Variants in PGS1 observed in about 807,000 individuals in gnomAD.
The protein encoded by PGS1 is phosphatidylglycerophosphate synthase 1, also known as CDP-diacylglycerol--glycerol-3-phosphate 3-phosphatidyltransferase, mitochondrial.
A neutral mutation model predicts 58.3 loss-of-function variants in PGS1; 44 were observed. That is an observed-to-expected ratio of 0.75 (90% CI 0.59 to 0.97). The LOEUF is 0.97. Among genes scored for constraint, PGS1 ranks in the 50% least tolerant of loss-of-function variants. PGS1 has a pLI of 0.00. For missense variants in PGS1, 684 were observed against 731.1 expected (o/e 0.94, Z 0.74); for synonymous variants, 330 against 311.0 (o/e 1.06, Z -0.64).
At chr17:78,416,255 C>T (rs2085178654) in intron 8 of PGS1, among the ~76,000 whole-genome samples, 1 of 152,246 alleles carries the variant, frequency 6.6e-6, no homozygotes, top group Non-Finnish European at 1.5e-5. Context: ...GAAGCCCCCA[C>T]AAGCTGAGAG....
intron 7 of PGS1, among the ~76,000 whole-genome samples, chr17:78,406,730 T>C (rs1429150539): frequency 1.3e-5 from 2 of 152,182 alleles, no homozygotes; most frequent in Admixed American, 1.3e-4. Flanking sequence ...ATTGAAAGAG[T>C]TGGCCAGTGG....
At chr17:78,402,073 T>G (rs2083718703) in intron 6 of PGS1, among the ~76,000 whole-genome samples, 1 of 151,900 alleles carries the variant, frequency 6.6e-6, no homozygotes, top group Non-Finnish European at 1.5e-5. Context: ...TGCTCCTCCC[T>G]CCGGCAGCCC....
intron 1 of PGS1, among the ~76,000 whole-genome samples, chr17:78,379,783 T>C (rs1032633477): frequency 1.3e-5 from 2 of 151,502 alleles, no homozygotes; most frequent in African/African-American, 4.9e-5. Context: ...GAGCCAAGAT[T>C]GCCTCATTGC....
intron 3 of PGS1, 161 bp from the exon 4 acceptor site, chr17:78,398,091 C>G (rs1357227810): frequency 1.4e-6 from 1 of 716,020 alleles, no homozygotes; most frequent in African/African-American, 1.7e-5. Context: ...AAGGTGCTCT[C>G]AGACAGATAG....
intron 9 of PGS1, chr17:78,420,737 G>A (rs967058000): frequency 6.6e-6 from 1 of 152,172 alleles, no homozygotes; most frequent in Non-Finnish European, 1.5e-5. Flanking sequence ...CATTTTATTT[G>A]AATAGTGTGT....
intron 7 of PGS1, among the ~76,000 whole-genome samples, chr17:78,404,446 AATTTTTGT>A (rs1422638972): frequency 7.3e-5 from 11 of 151,640 alleles, no homozygotes; most frequent in African/African-American, 2.7e-4. Flanking sequence ...ATGTCTGGCT[AATTTTTGT>A]ATTTTTGTAG....
chr17:78,385,232 C>T (rs868193239), intron 1 of PGS1, among the ~76,000 whole-genome samples: 1 of 152,128 alleles, frequency 6.6e-6, no homozygotes, highest in African/African-American at 2.4e-5. Context: ...CATTTTCGTG[C>T]CTCAACCTCC....
At chr17:78,420,175 C>T (rs2085580819) in intron 9 of PGS1, 5 of 999,472 alleles carry the variant, frequency 5.0e-6, no homozygotes, top group Non-Finnish European at 6.0e-6. Context: ...TGGGCTGCTG[C>T]CTGGACGCCT....
At chr17:78,410,103 A>AAAAAC (rs10522107) in intron 7 of PGS1, among the ~76,000 whole-genome samples, 110 of 150,922 alleles carry the variant, frequency 7.3e-4, no homozygotes, top group Middle Eastern at 3.4e-3. Flanking sequence ...ACTCCGTCTC[A>AAAAAC]AAAACAAAAC....
chr17:78,417,505 G>T (rs1199475119), intron 8 of PGS1, among the ~76,000 whole-genome samples: 1 of 152,074 alleles, frequency 6.6e-6, no homozygotes, highest in East Asian at 1.9e-4. Flanking sequence ...GCTTTCCCCA[G>T]CTCTTGATGG....
rs777120103 is a variant in PGS1, at chr17:78,392,523, AG to A, written c.193del (p.Val65SerfsTer46). The A allele has an allele frequency of 6.2e-7, 1 of 1,613,996 alleles. No individual in the cohort carries two copies. Among genetic ancestry groups the A allele is most frequent in the Non-Finnish European group, 8.5e-7 (1 of 1,179,972 alleles). ...LAPLLSPAVP[Q>X]VTSPPCCLCP... ...CCCTTGCTGTCCCCAGCTGTTCCCC[AG>A]GTCACCTCCCCACCTTGCTGCCTGT... On this transcript the variant is annotated frameshift_variant, in exon 2 of 10. Transcript: ENST00000262764. LOFTEE classifies it high-confidence loss of function.
At chr17:78,419,799 G>T in intron 9 of PGS1, 124 bp downstream of exon 9, 1 of 1,512,340 alleles carries the variant, frequency 6.6e-7, no homozygotes, top group Admixed American at 1.9e-5. Context: ...GTTAAACACA[G>T]AGCAGCATCT....
chr17:78,412,709 T>A (rs1475217508), intron 7 of PGS1, among the ~76,000 whole-genome samples: 3 of 152,200 alleles, frequency 2.0e-5, no homozygotes, highest in African/African-American at 7.2e-5. Flanking sequence ...AGCCTGACCC[T>A]CGTCACCCAT....
At chr17:78,399,307 C>T (rs749949137) in intron 4 of PGS1, 41 bp from the exon 5 acceptor site, 5 of 1,546,062 alleles carry the variant, frequency 3.2e-6, no homozygotes, top group Non-Finnish European at 4.5e-6. Flanking sequence ...AGGACGCCTT[C>T]CTGTTGTGAG....
intron 8 of PGS1, among the ~76,000 whole-genome samples, chr17:78,417,396 G>A (rs894280740): frequency 6.6e-6 from 1 of 152,158 alleles, no homozygotes; most frequent in Non-Finnish European, 1.5e-5. Flanking sequence ...TCTGTGACAC[G>A]CGGGGCTGCG....
intron 1 of PGS1, among the ~76,000 whole-genome samples, chr17:78,381,553 T>G (rs563485034): frequency 2.6e-5 from 4 of 152,340 alleles, no homozygotes; most frequent in Admixed American, 6.5e-5. Context: ...TTTGCTTTCT[T>G]CTCCATTATT....
intron 7 of PGS1, among the ~76,000 whole-genome samples, chr17:78,412,375 G>C (rs2084791251): frequency 6.6e-6 from 1 of 152,182 alleles, no homozygotes; most frequent in Non-Finnish European, 1.5e-5. Context: ...GCACTCACCT[G>C]CTGAAAAACC....
intron 1 of PGS1, among the ~76,000 whole-genome samples, chr17:78,380,406 C>T (rs1042067326): frequency 7.9e-5 from 12 of 152,058 alleles, no homozygotes; most frequent in African/African-American, 2.7e-4. Context: ...AGATTTTCAT[C>T]GAAAACTCAA....
At chr17:78,408,380 A>G (rs1567985368) in intron 7 of PGS1, among the ~76,000 whole-genome samples, 1 of 152,158 alleles carries the variant, frequency 6.6e-6, no homozygotes, top group Admixed American at 6.5e-5. Flanking sequence ...GCCACAGCTG[A>G]GGGGCCTGGC....
Sources: allele counts gnomAD v4.1 joint callset (sites outside exome capture counted in the v4.1 genomes callset), GRCh38; gene constraint gnomAD v4.1.1; transcripts MANE v1.5; gene names NCBI Gene and HGNC (gene_info 2026-07-23, HGNC 2026-07-21).